PDE10A: variants seen among roughly 807,000 people sequenced by gnomAD.
PDE10A encodes cAMP and cAMP-inhibited cGMP 3',5'-cyclic phosphodiesterase 10A.
In PDE10A, 39 loss-of-function variants were observed where a neutral mutation model predicts 97.7. The ratio of observed to expected loss-of-function variants is 0.40; its 90% confidence interval spans 0.31 to 0.52. The LOEUF is 0.52. PDE10A is among the 20% of genes least tolerant of loss of function. The probability of loss-of-function intolerance (pLI) is 0.56; values close to 1 mark genes in which losing one functional copy is unlikely to be tolerated. For missense variants in PDE10A, 731 were observed against 1,047.8 expected, an observed-to-expected ratio of 0.70 and a Z score of 4.17; for synonymous variants, 371 against 376.8, an observed-to-expected ratio of 0.98 and a Z score of 0.18.
chr6:165,628,838 T>C (rs9459463), intron 1 of PDE10A, among the ~76,000 whole-genome samples: 25,923 of 152,184 alleles, frequency 0.17, 2,621 homozygotes, highest in Non-Finnish European at 0.23. Flanking sequence ...GATTTTGTGA[T>C]AGCATTTTTT....
chr6:165,665,861 C>A (rs57397873), upstream of PDE10A, among the ~76,000 whole-genome samples: 3,218 of 152,246 alleles, frequency 0.021, 109 homozygotes, highest in African/African-American at 0.073. Context: ...TGGACCTATA[C>A]AACCATAAGT....
intron 1 of PDE10A, among the ~76,000 whole-genome samples, chr6:165,551,071 C>T (rs1030985908): frequency 1.3e-5 from 2 of 152,142 alleles, no homozygotes; most frequent in African/African-American, 4.8e-5. Context: ...TCATACTAAG[C>T]AGTGTTATAC....
chr6:165,367,724 A>T (rs1783892363), intron 18 of PDE10A, among the ~76,000 whole-genome samples: 1 of 152,038 alleles, frequency 6.6e-6, no homozygotes, highest in South Asian at 2.1e-4. Flanking sequence ...TGAAAAAATA[A>T]TCTGCCCACT....
At chr6:165,761,825 C>T (rs1793258264) in intron 1 of PDE10A, among the ~76,000 whole-genome samples, 1 of 151,982 alleles carries the variant, frequency 6.6e-6, no homozygotes, top group Non-Finnish European at 1.5e-5. Context: ...GAAAATACAT[C>T]CTTATGTACA....
Position 165,946,533 on chromosome 6 carries a change from A to G in PDE10A, c.-615+40996T>C, listed in dbSNP as rs964930241. Among the ~76,000 whole-genome samples, 37 of 151,496 alleles carry G rather than the reference A, an allele frequency of 2.4e-4. 1 individual carries two copies. Among genetic ancestry groups the G allele is most frequent in the Non-Finnish European group, 5.0e-4 (34 of 67,960 alleles). On this transcript the variant is annotated intron_variant, in intron 1 of 19. Transcript: ENST00000366882. The stretch of plus-strand genomic sequence containing the variant: ...AAAAAAGAAAAAGAAAAAGGAAAAA[A>G]GAATATATTGCCTTCTTAAAAAATG...
At chr6:165,797,106 T>A (rs1314752852) in intron 1 of PDE10A, among the ~76,000 whole-genome samples, 2 of 152,208 alleles carry the variant, frequency 1.3e-5, no homozygotes, top group Non-Finnish European at 2.9e-5. Flanking sequence ...CAAGTGACCC[T>A]TGGTTTAGTG....
chr6:165,635,018 T>C (rs750173291), intron 1 of PDE10A, among the ~76,000 whole-genome samples: 9 of 152,164 alleles, frequency 5.9e-5, no homozygotes, highest in Non-Finnish European at 1.3e-4. Flanking sequence ...CTCCTCCAGG[T>C]TGCCAATGAA....
intron 1 of PDE10A, among the ~76,000 whole-genome samples, chr6:165,599,838 T>G (rs1453777818): frequency 6.6e-6 from 1 of 152,120 alleles, no homozygotes; most frequent in Non-Finnish European, 1.5e-5. Context: ...CCTCCCCGGT[T>G]TGGCATCAGT....
At chr6:165,847,705 A>AT (rs1436314909) in intron 1 of PDE10A, among the ~76,000 whole-genome samples, 1 of 152,164 alleles carries the variant, frequency 6.6e-6, no homozygotes, top group Non-Finnish European at 1.5e-5. Context: ...AAGCCAGCAG[A>AT]TTTTTTTGTT....
chr6:165,919,628 A>C (rs1183446892), intron 1 of PDE10A, among the ~76,000 whole-genome samples: 1 of 151,992 alleles, frequency 6.6e-6, no homozygotes, highest in African/African-American at 2.4e-5. Flanking sequence ...CAGCCCTTTG[A>C]GCATATAAAA....
At chr6:165,609,978 T>C (rs559125538) in intron 1 of PDE10A, among the ~76,000 whole-genome samples, 33 of 152,288 alleles carry the variant, frequency 2.2e-4, no homozygotes, top group African/African-American at 7.9e-4. Context: ...AAGCTACCAA[T>C]GACTTTCTTC....
intron 5 of PDE10A, among the ~76,000 whole-genome samples, chr6:165,444,281 T>C (rs918065370): frequency 1.3e-5 from 2 of 152,178 alleles, no homozygotes; most frequent in African/African-American, 2.4e-5. Context: ...TTAGTCATTA[T>C]AGGAATCCCA....
chr6:165,485,282 C>T (rs1012631035), intron 2 of PDE10A, among the ~76,000 whole-genome samples: 1 of 151,952 alleles, frequency 6.6e-6, no homozygotes, highest in Non-Finnish European at 1.5e-5. Flanking sequence ...TCCCGGCTAA[C>T]ACAGTGAAGC....
chr6:165,559,358 C>T (rs935065573), intron 1 of PDE10A, among the ~76,000 whole-genome samples: 1 of 152,122 alleles, frequency 6.6e-6, no homozygotes, highest in Admixed American at 6.5e-5. Flanking sequence ...TGAAGATTTA[C>T]AAGTGGATTA....
intron 1 of PDE10A, among the ~76,000 whole-genome samples, chr6:165,964,236 G>C (rs1360641721): frequency 6.6e-6 from 1 of 152,164 alleles, no homozygotes; most frequent in East Asian, 1.9e-4. Flanking sequence ...CCTAAGCCAA[G>C]CAGCTGCAGC....
In PDE10A at chr6:165,871,032, T is replaced by C. The variant is rs145172076; in HGVS notation, c.-615+116497A>G. ...CAGGAGGAAGAATTCTACTGTTCGA[T>C]GGTAGAGTGACGATAGTTAATAATA... is the stretch of plus-strand genomic sequence containing the variant. On this transcript the variant is annotated intron_variant, in intron 1 of 19. Coordinates refer to the PDE10A transcript ENST00000366882. 4.4e-3 allele frequency among the ~76,000 whole-genome samples: 676 copies of C among 152,314 alleles called. 4 individuals are homozygous for C. The highest frequency in any genetic ancestry group is 6.1e-3 in the Non-Finnish European group (417 of 68,026).
chr6:165,691,087 CTCTCTCTCTCTT>C (rs1562686808), intron 1 of PDE10A, among the ~76,000 whole-genome samples: 6 of 49,872 alleles, frequency 1.2e-4, no homozygotes, highest in African/African-American at 3.7e-4. Flanking sequence ...CTCTCTCTCT[CTCTCTCTCTCTT>C]TCTCTCTCCC....
chr6:165,900,626 G>T (rs1782078234), intron 1 of PDE10A, among the ~76,000 whole-genome samples: 1 of 152,130 alleles, frequency 6.6e-6, no homozygotes, highest in South Asian at 2.1e-4. Context: ...TGTAAAGAAG[G>T]AGAGATTGTA....
chr6:165,971,622 G>C (rs570106441), intron 1 of PDE10A, among the ~76,000 whole-genome samples: 1 of 152,104 alleles, frequency 6.6e-6, no homozygotes, highest in Non-Finnish European at 1.5e-5. Context: ...CAAGTTTTAC[G>C]TATGTATTTT....
Sources: allele counts gnomAD v4.1 joint callset (sites outside exome capture counted in the v4.1 genomes callset), GRCh38; gene constraint gnomAD v4.1.1; transcripts MANE v1.5; gene names NCBI Gene and HGNC (gene_info 2026-07-23, HGNC 2026-07-21).